EXTL3: variants seen among roughly 807,000 people sequenced by gnomAD.
The protein encoded by EXTL3 is exostosin-like 3.
EXTL3 carries 27 observed loss-of-function variants against 69.3 expected under a neutral mutation model. The ratio of observed to expected loss-of-function variants is 0.39; its 90% confidence interval spans 0.29 to 0.54. The LOEUF is 0.54. EXTL3 is among the 20% of genes least tolerant of loss of function. The pLI is 0.69. For synonymous variants in EXTL3, 511 were observed against 499.4 expected, an observed-to-expected ratio of 1.02 and a Z score of -0.31; for missense variants, 1,003 against 1,231.8, an observed-to-expected ratio of 0.81 and a Z score of 2.78.
chr8:28,685,389 T>G (rs2130667152), intron 1 of EXTL3, among the ~76,000 whole-genome samples: 1 of 134,588 alleles, frequency 7.4e-6, no homozygotes, highest in African/African-American at 3.1e-5. Flanking sequence ...CCTGTCTCCC[T>G]TTTCCTTCCT....
upstream of EXTL3, among the ~76,000 whole-genome samples, chr8:28,620,044 T>A (rs1262732288): frequency 6.6e-6 from 1 of 151,582 alleles, no homozygotes; most frequent in Admixed American, 6.6e-5. Flanking sequence ...CTAATTTTTT[T>A]ATATCTGTTT....
chr8:28,662,916 C>T (rs752204722), intron 1 of EXTL3, among the ~76,000 whole-genome samples: 9 of 152,108 alleles, frequency 5.9e-5, no homozygotes, highest in Non-Finnish European at 1.3e-4. Context: ...ACGATTGTGC[C>T]ACTGCACTCT....
upstream of EXTL3, among the ~76,000 whole-genome samples, chr8:28,619,311 A>AAAAAAAAAAAAAAAAAC (rs1478312916): frequency 3.3e-5 from 4 of 121,472 alleles, no homozygotes; most frequent in Non-Finnish European, 4.9e-5. Context: ...AAAAAAAAAA[A>AAAAAAAAAAAAAAAAAC]AAAACCCTGT....
At chr8:28,657,703 G>T (rs1156965532) in intron 1 of EXTL3, among the ~76,000 whole-genome samples, 2 of 151,794 alleles carry the variant, frequency 1.3e-5, no homozygotes, top group Non-Finnish European at 2.9e-5. Flanking sequence ...AAAAAAATTG[G>T]AAAGCACATC....
intron 4 of EXTL3, 151 bp downstream of exon 4, chr8:28,731,501 G>T: frequency 1.3e-6 from 1 of 788,042 alleles, no homozygotes; most frequent in South Asian, 1.5e-5. Context: ...CAGGCTCGTA[G>T]ATGGCGTTGG....
intron 1 of EXTL3, among the ~76,000 whole-genome samples, chr8:28,670,124 G>A (rs1458579042): frequency 5.3e-5 from 8 of 151,176 alleles, no homozygotes; most frequent in African/African-American, 1.5e-4. Flanking sequence ...CAGAAGGATC[G>A]CTTGAGCCAG....
At chr8:28,640,802 A>G (rs1306946660) in intron 1 of EXTL3, among the ~76,000 whole-genome samples, 1 of 151,990 alleles carries the variant, frequency 6.6e-6, no homozygotes, top group East Asian at 1.9e-4. Context: ...GGGTCTCAAT[A>G]TGTTACCCAG....
chr8:28,750,557 C>T lies in EXTL3; in HGVS notation c.2551-100C>T, dbSNP rs1801981309. On this transcript the variant is annotated intron_variant, in intron 6 of 6. Coordinates refer to ENST00000220562, the MANE Select transcript of EXTL3 (RefSeq NM_001440.4). This position sits in a 1 kb window ranked among gnomAD's most constrained non-coding sequence, Gnocchi z 5.2. ...GGGATGTTGCCCCTGAGGGGATCAG[C>T]GTCTTCACCATGGACATGGGAGTGT... is the stretch of plus-strand genomic sequence containing the variant. The T allele has an allele frequency of 6.1e-6, 6 of 985,156 alleles. No homozygotes were observed. The highest frequency in any genetic ancestry group is 3.2e-5 in the African/African-American group (2 of 62,910). 61.0% of individuals were successfully genotyped at this position (985,156 alleles called of 1,614,324 possible). A position where few individuals can be genotyped will look rare whatever the true frequency, so the allele number is the denominator to read the frequency against.
intron 1 of EXTL3, chr8:28,696,272 T>C (rs1373058337): frequency 1.3e-5 from 2 of 152,202 alleles, no homozygotes; most frequent in African/African-American, 2.4e-5. Context: ...AAGTGTAAGC[T>C]TGATGAATGT....
chr8:28,698,032 A>C (rs1800712824), upstream of EXTL3: 1 of 152,152 alleles, frequency 6.6e-6, no homozygotes, highest in South Asian at 2.1e-4. Flanking sequence ...GAATGTGACC[A>C]TATTTTCCAA....
intron 1 of EXTL3, among the ~76,000 whole-genome samples, chr8:28,704,338 T>C (rs1800875282): frequency 6.6e-6 from 1 of 152,234 alleles, no homozygotes; most frequent in Admixed American, 6.5e-5. Flanking sequence ...TAAGAATGCC[T>C]ACTATACGCA....
At chr8:28,705,212 G>T (rs1466335529) in intron 1 of EXTL3, among the ~76,000 whole-genome samples, 1 of 152,206 alleles carries the variant, frequency 6.6e-6, no homozygotes, top group Non-Finnish European at 1.5e-5. Flanking sequence ...GCAATTGTCA[G>T]TGAGGGCCTA....
chr8:28,608,035 G>A (rs1047639449), intron 2 of EXTL3, among the ~76,000 whole-genome samples: 6 of 151,510 alleles, frequency 4.0e-5, no homozygotes, highest in Non-Finnish European at 5.9e-5. Flanking sequence ...GTGTGAACCC[G>A]GGAGGCAGAG....
chr8:28,704,433 C>G (rs866189706), intron 1 of EXTL3, among the ~76,000 whole-genome samples: 2 of 152,224 alleles, frequency 1.3e-5, no homozygotes, highest in Non-Finnish European at 2.9e-5. Context: ...CTGCCGCTTG[C>G]GGGTGCCTGC....
At chr8:28,745,453 T>A (rs1801870316) in intron 6 of EXTL3, among the ~76,000 whole-genome samples, 1 of 152,218 alleles carries the variant, frequency 6.6e-6, no homozygotes, top group Non-Finnish European at 1.5e-5. Flanking sequence ...AAAAACAGTA[T>A]GTTTTCCAGG....
chr8:28,727,434 C>T (rs1801437580), intron 3 of EXTL3, among the ~76,000 whole-genome samples: 1 of 152,212 alleles, frequency 6.6e-6, no homozygotes, highest in African/African-American at 2.4e-5. Flanking sequence ...CCTCCAGCTG[C>T]ATGACCCCAC....
chr8:28,717,241 C>T lies in EXTL3; in HGVS notation c.1182C>T (p.Val394=). 1.2e-6 allele frequency: 2 copies of T among 1,614,222 alleles called. No individual in the cohort carries two copies. The highest frequency in any genetic ancestry group is 1.7e-6 in the Non-Finnish European group (2 of 1,180,050). The change falls in exon 3 of 7, where the codon GTC becomes GTT. Residue 394 remains valine, a synonymous_variant. Transcript: ENST00000220562. The surrounding 1 kb of genome is among the most constrained non-coding windows in gnomAD (Gnocchi z 8.3). ...KAVQDSKLDQ[V]LVEFTCKNQP... The stretch of plus-strand genomic sequence containing the variant: ...TGCAGGACAGCAAGCTGGATCAGGT[C>T]CTGGTGGAATTCACCTGCAAAAACC...
intron 1 of EXTL3, among the ~76,000 whole-genome samples, chr8:28,706,951 G>T (rs1800936019): frequency 6.6e-6 from 1 of 151,882 alleles, no homozygotes; most frequent in South Asian, 2.1e-4. Flanking sequence ...GGCTGTACTT[G>T]AGATGAGATT....
At chr8:28,681,192 AAG>A (rs1807481194) in intron 1 of EXTL3, among the ~76,000 whole-genome samples, 1 of 151,636 alleles carries the variant, frequency 6.6e-6, no homozygotes, top group South Asian at 2.1e-4. Context: ...TCTTTTTTAT[AAG>A]GCTGAATAGT....
Sources: allele counts gnomAD v4.1 joint callset (sites outside exome capture counted in the v4.1 genomes callset), GRCh38; gene constraint gnomAD v4.1.1; non-coding constraint Gnocchi (gnomAD v3.1); transcripts MANE v1.5; gene names NCBI Gene and HGNC (gene_info 2026-07-23, HGNC 2026-07-21).